Variants in ADGRG2 observed in about 807,000 individuals in gnomAD.
ADGRG2 encodes the protein G protein-coupled receptor 64.
Under a neutral mutation model 74.1 loss-of-function variants are expected in ADGRG2, and 26 were observed. The observed-to-expected ratio is 0.35, with a 90% CI of 0.26 to 0.49. The LOEUF is 0.49. Among genes scored for constraint, ADGRG2 ranks in the 20% least tolerant of loss-of-function variants. The pLI is 0.99. For synonymous variants in ADGRG2, 296 were observed against 295.2 expected, an observed-to-expected ratio of 1.00 and a Z score of -0.03; for missense variants, 619 against 763.1, an observed-to-expected ratio of 0.81 and a Z score of 2.22.
intron 3 of ADGRG2, among the ~76,000 whole-genome samples, chrX:19,063,797 G>T (rs2061524103): frequency 8.9e-6 from 1 of 112,166 alleles, no homozygotes; most frequent in Admixed American, 9.4e-5. Flanking sequence ...TCCGAGGTCA[G>T]GGCAGGTTTT....
intron 1 of ADGRG2, among the ~76,000 whole-genome samples, chrX:19,106,263 C>A (rs1360538593): frequency 9.0e-6 from 1 of 110,922 alleles, no homozygotes; most frequent in African/African-American, 3.3e-5. Context: ...GCACTTCCAA[C>A]CTGCAGCATG....
At chrX:19,114,668 G>A (rs1160947776) in intron 1 of ADGRG2, among the ~76,000 whole-genome samples, 1 of 111,464 alleles carries the variant, frequency 9.0e-6, no homozygotes, top group Admixed American at 9.6e-5. Context: ...TGCCAGTCAT[G>A]ACAACTAAAA....
intron 18 of ADGRG2, among the ~76,000 whole-genome samples, chrX:19,009,178 G>A (rs760188561): frequency 1.9e-5 from 2 of 107,707 alleles, no homozygotes; most frequent in Admixed American, 1.0e-4. Context: ...CAAGACCAAC[G>A]TCTTTTTTTT....
intron 28 of ADGRG2, 37 bp from the exon 29 acceptor site, chrX:18,991,085 TC>T: frequency 1.1e-6 from 1 of 877,620 alleles, no homozygotes; most frequent in Non-Finnish European, 1.6e-6. Flanking sequence ...GCATGAAGTA[TC>T]CACAGAAAGC....
chrX:19,016,008 A>G (rs1417215901), intron 15 of ADGRG2, among the ~76,000 whole-genome samples: 1 of 112,332 alleles, frequency 8.9e-6, no homozygotes, highest in African/African-American at 3.2e-5. Flanking sequence ...TGAGGCACAC[A>G]GGGAAGCGGC....
At chrX:19,110,547 G>A (rs2147071919) in intron 1 of ADGRG2, among the ~76,000 whole-genome samples, 1 of 109,795 alleles carries the variant, frequency 9.1e-6, no homozygotes, top group African/African-American at 3.3e-5. Flanking sequence ...TTAGCCGGGT[G>A]TGGTTGCATG....
chrX:19,007,583 A>G (rs1441198452), intron 19 of ADGRG2, among the ~76,000 whole-genome samples: 2 of 112,201 alleles, frequency 1.8e-5, no homozygotes, highest in Non-Finnish European at 3.8e-5. Context: ...TTGACACAAC[A>G]GGATTTTGTG....
At chrX:19,014,391 G>T (rs927099388) in intron 15 of ADGRG2, among the ~76,000 whole-genome samples, 7 of 111,667 alleles carry the variant, frequency 6.3e-5, no homozygotes, top group Admixed American at 9.5e-5. Context: ...GTGCTCCCGG[G>T]TGAGGGGAAC....
At chrX:19,006,308 TAA>T (rs368756788) in intron 20 of ADGRG2, 43 bp from the exon 21 acceptor site, 4,561 of 649,610 alleles carry the variant, frequency 7.0e-3, no homozygotes, top group Non-Finnish European at 7.7e-3. Context: ...TTTACTGAAC[TAA>T]AAAAAAAAAA....
intron 26 of ADGRG2, among the ~76,000 whole-genome samples, chrX:18,996,611 G>A (rs781358042): frequency 9.2e-6 from 1 of 108,591 alleles, no homozygotes; most frequent in Non-Finnish European, 1.9e-5. Context: ...CCACTGCCAT[G>A]TCCTTTGCTT....
chrX:19,036,454 C>T (rs1332651653), intron 6 of ADGRG2: 1 of 111,028 alleles, frequency 9.0e-6, no homozygotes, highest in African/African-American at 3.3e-5. Flanking sequence ...CCATTATATT[C>T]GACTAACTTT....
intron 1 of ADGRG2, among the ~76,000 whole-genome samples, chrX:19,114,852 T>C (rs2062482386): frequency 9.0e-6 from 1 of 111,562 alleles, no homozygotes; most frequent in Non-Finnish European, 1.9e-5. Flanking sequence ...AGATGGTCTG[T>C]ATTCAAACCC....
At chrX:19,041,872 G>A (rs1252166895) in intron 3 of ADGRG2, among the ~76,000 whole-genome samples, 1 of 111,638 alleles carries the variant, frequency 9.0e-6, no homozygotes, top group African/African-American at 3.3e-5. Flanking sequence ...GCAGTGGTGC[G>A]GTTGTGGCTC....
At chrX:19,078,577 A>G (rs1334378506) in intron 2 of ADGRG2, among the ~76,000 whole-genome samples, 1 of 111,213 alleles carries the variant, frequency 9.0e-6, no homozygotes, top group Non-Finnish European at 1.9e-5. Flanking sequence ...AAGATAAAAG[A>G]AAAAAGAAAA....
intron 2 of ADGRG2, among the ~76,000 whole-genome samples, chrX:19,079,820 C>T (rs965966731): frequency 1.1e-4 from 12 of 111,696 alleles, no homozygotes; most frequent in African/African-American, 2.9e-4. Context: ...CAATATCAGA[C>T]GTGCAAGATT....
chrX:19,062,854 A>C (rs1166046740), intron 3 of ADGRG2, among the ~76,000 whole-genome samples: 1 of 111,081 alleles, frequency 9.0e-6, no homozygotes, highest in Non-Finnish European at 1.9e-5. Context: ...ATTGTAGCTC[A>C]TGAGATCACC....
chrX:19,060,676 T>G (rs776211022), intron 3 of ADGRG2, among the ~76,000 whole-genome samples: 1 of 109,627 alleles, frequency 9.1e-6, no homozygotes, highest in East Asian at 2.9e-4. Flanking sequence ...GGCTCCTGAA[T>G]AGCTAGGATT....
chrX:19,104,782 T>C lies in ADGRG2; in HGVS notation c.-47+17660A>G, dbSNP rs749724958. Among the ~76,000 whole-genome samples the C allele has an allele frequency of 4.7e-5, 5 of 105,790 alleles. No individual in the cohort carries two copies. In the South Asian group the frequency reaches 2.2e-3, roughly 47 times the overall value. The allele number at this position is 105,790 out of a possible 115,157, so 91.9% of individuals were successfully genotyped here. A position where few individuals can be genotyped will look rare whatever the true frequency, so the allele number is the denominator to read the frequency against. ...AAATACAAAAATTAGCTGGGGGTGG[T>C]GGCGGGTGCCTGTAGTCCCAGCTAC... On this transcript the variant is annotated intron_variant, in intron 1 of 28. Coordinates refer to ENST00000379869, the MANE Select transcript of ADGRG2 (RefSeq NM_001079858.3).
chrX:19,014,089 CAG>C lies in ADGRG2; in HGVS notation c.711-17_711-16del. The C allele has an allele frequency of 8.6e-7, 1 of 1,165,295 alleles. No individual in the cohort carries two copies. Among genetic ancestry groups the C allele is most frequent in the Non-Finnish European group, 1.2e-6 (1 of 865,612 alleles). On this transcript the variant is annotated splice_polypyrimidine_tract_variant and intron_variant, in intron 15 of 28. Coordinates refer to ENST00000379869, the MANE Select transcript of ADGRG2 (RefSeq NM_001079858.3). ...CCTGCAGGTCACTAAAGGAACAAAT[CAG>C]AGAGATACATGTGAGACACGAATGA... is the stretch of plus-strand genomic sequence containing the variant.
Sources: allele counts gnomAD v4.1 joint callset (sites outside exome capture counted in the v4.1 genomes callset), GRCh38; gene constraint gnomAD v4.1.1; transcripts MANE v1.5; gene names NCBI Gene and HGNC (gene_info 2026-07-23, HGNC 2026-07-21).